BEST2: variants seen among roughly 807,000 people sequenced by gnomAD.
The protein encoded by BEST2 is bestrophin-2a.
BEST2 carries 36 observed loss-of-function variants against 49.0 expected under a neutral mutation model. The ratio of observed to expected loss-of-function variants is 0.73; its 90% CI spans 0.56 to 0.97. The LOEUF is 0.97. Ranked by LOEUF, BEST2 falls within the 50% of genes least tolerant of loss-of-function variation. The pLI, the probability that BEST2 is intolerant of heterozygous loss-of-function variation, is 0.00. For synonymous variants in BEST2, 335 were observed against 304.4 expected (o/e 1.10, Z -1.05); for missense variants, 672 against 710.0 (o/e 0.95, Z 0.61).
rs1322471085 is a variant in BEST2, at chr19:12,755,360, G to C, written c.637-19G>C. Reference sequence around the variant, plus strand: ...GAGCTCACCATTCAGGCCTCCTCATGACCTGTATCCACCCCCAGGAGCTGA... The same window carrying C: ...GAGCTCACCATTCAGGCCTCCTCATCACCTGTATCCACCCCCAGGAGCTGA... On this transcript the variant is annotated intron_variant, in intron 5 of 9. Transcript: ENST00000553030. The surrounding 1 kb of genome is among the most constrained non-coding windows in gnomAD (Gnocchi z 4.4). 1 of 1,613,320 alleles carries C rather than the reference G, an allele frequency of 6.2e-7. No homozygotes were observed. Among genetic ancestry groups the C allele is most frequent in the Non-Finnish European group, 8.5e-7 (1 of 1,179,318 alleles).
chr19:12,754,400 C>A, intron 3 of BEST2, 152 bp from the exon 4 acceptor site: 2 of 641,444 alleles, frequency 3.1e-6, no homozygotes, highest in Non-Finnish European at 5.1e-6. Flanking sequence ...AGGGCTGGAC[C>A]CCCAAGTTCC....
chr19:12,756,029 T>C, intron 8 of BEST2, 94 bp downstream of exon 8: 2 of 1,592,006 alleles, frequency 1.3e-6, no homozygotes, highest in South Asian at 2.2e-5. Context: ...TCTTGCCAGG[T>C]CTCACCCCAA....
rs1223447355 is a variant in BEST2, at chr19:12,753,449, A to AT, written c.247+96dup. 5.1e-6 allele frequency: 6 copies of AT among 1,170,168 alleles called. No individual in the cohort carries two copies. The Admixed American group carries it at 7.8e-5, about 15-fold the overall frequency. The allele number at this position is 1,170,168 out of a possible 1,614,324, so 72.5% of individuals were successfully genotyped here. ...GAGCCCCCATTCCTGCCCCTCTGAG[A>AT]TCCCCCCCCTCAAATCCAACCCCGA... is the stretch of plus-strand genomic sequence containing the variant. On this transcript the variant is annotated intron_variant, in intron 3 of 9. Transcript: ENST00000553030.
chr19:12,755,972 G>T lies in BEST2; in HGVS notation c.948+37G>T. ...TTTCCAGGTGAGACTTCCAGGTGGC[G>T]ACCATCCCGGAGTGCCCAACAGGGT... is the stretch of plus-strand genomic sequence containing the variant. On this transcript the variant is annotated intron_variant, in intron 8 of 9. Coordinates refer to ENST00000553030, the MANE Select transcript of BEST2 (RefSeq NM_017682.3). This position sits in a 1 kb window ranked among gnomAD's most constrained non-coding sequence, Gnocchi z 4.4. 1 of 1,605,374 alleles carries T rather than the reference G, an allele frequency of 6.2e-7. No homozygotes were observed. The highest frequency in any genetic ancestry group is 1.1e-5 in the South Asian group (1 of 90,714).
chr19:12,755,402 A>G lies in BEST2; in HGVS notation c.660A>G (p.Lys220=), dbSNP rs200924914. 2 of 1,614,094 alleles carry G rather than the reference A, an allele frequency of 1.2e-6. No homozygotes were observed. Among genetic ancestry groups the G allele is most frequent in the African/African-American group, 2.7e-5 (2 of 75,012 alleles). ...AGGAGCTGAATGTTTTTCGGGGCAA[A>G]TGTGGAATGCTCTTTCACTATGACT... is the stretch of plus-strand genomic sequence containing the variant. ...LLEELNVFRG[K]CGMLFHYDWI... Residue 220 remains lysine (K), a synonymous_variant, in exon 6 of 10, where the codon AAA becomes AAG. Coordinates refer to ENST00000553030, the MANE Select transcript of BEST2 (RefSeq NM_017682.3). This position sits in a 1 kb window ranked among gnomAD's most constrained non-coding sequence, Gnocchi z 4.4.
chr19:12,754,993 C>G lies in BEST2; in HGVS notation c.598C>G (p.Arg200Gly). The G allele has an allele frequency of 6.2e-7, 1 of 1,611,568 alleles. No homozygotes were observed. Among genetic ancestry groups the G allele is most frequent in the Non-Finnish European group, 8.5e-7 (1 of 1,179,278 alleles). ...NLAAQARREG[R>G]IRDNSALKLL... Reference sequence around the variant, plus strand: ...GGCGGCACAGGCCCGACGCGAGGGCCGCATCCGCGACAACAGCGCCCTTAA... The same window carrying G: ...GGCGGCACAGGCCCGACGCGAGGGCGGCATCCGCGACAACAGCGCCCTTAA... The change falls in exon 5 of 10, where the codon CGC becomes GGC. Residue 200 changes from arginine to glycine, a missense_variant. This residue lies in a region of BEST2 where 365 missense variants were observed against 390.9 expected (regional missense o/e 0.93). Transcript: ENST00000553030.
At chr19:12,756,682 T>G (rs1319302945) in intron 9 of BEST2, 1 of 210,514 alleles carries the variant, frequency 4.8e-6, no homozygotes, top group Non-Finnish European at 9.7e-6. Context: ...CCCCCGTCTC[T>G]ACTAAAAATA....
At position 12,758,158 on chromosome 19, in the gene BEST2, C is replaced by T; in HGVS notation, c.*81C>T. 1 of 1,475,662 alleles carries T rather than the reference C, an allele frequency of 6.8e-7. No homozygotes were observed. The highest frequency in any genetic ancestry group is 9.2e-7 in the Non-Finnish European group (1 of 1,089,848). The allele number at this position is 1,475,662 out of a possible 1,614,324, so 91.4% of individuals were successfully genotyped here. On this transcript the variant is annotated 3_prime_UTR_variant, in exon 10 of 10. Transcript: ENST00000553030. ...CGCAGGTGTCCCGGTCTGCATAAGCCTCGTGTGCCTTTGTAAAGTCCACCT... is the reference window on the plus strand; with the variant it reads ...CGCAGGTGTCCCGGTCTGCATAAGCTTCGTGTGCCTTTGTAAAGTCCACCT...
In BEST2 at chr19:12,758,117, C is replaced by T. The variant is rs1321181499; in HGVS notation, c.*40C>T. ...GCCCCCTAAGGACAGGGAACCAGGTCCCTGCACGGCACCCACGCAGGTGTC... is the reference window on the plus strand; with the variant it reads ...GCCCCCTAAGGACAGGGAACCAGGTTCCTGCACGGCACCCACGCAGGTGTC... On this transcript the variant is annotated 3_prime_UTR_variant, in exon 10 of 10. Transcript: ENST00000553030. The T allele has an allele frequency of 1.3e-6, 2 of 1,597,330 alleles. No homozygotes were observed. Among genetic ancestry groups the T allele is most frequent in the Non-Finnish European group, 1.7e-6 (2 of 1,173,214 alleles).
intron 3 of BEST2, 48 bp from the exon 4 acceptor site, chr19:12,754,504 C>A: frequency 2.8e-6 from 4 of 1,416,716 alleles, no homozygotes; most frequent in Non-Finnish European, 3.7e-6. Context: ...CCCCCAAACC[C>A]CTGGCCCTGG....
Position 12,758,101 on chromosome 19 carries a change from G to A in BEST2, c.*24G>A, listed in dbSNP as rs756287763. 1 of 1,609,222 alleles carries A rather than the reference G, an allele frequency of 6.2e-7. No homozygotes were observed. Among genetic ancestry groups the A allele is most frequent in the Non-Finnish European group, 8.5e-7 (1 of 1,178,704 alleles). ...GAGATCTTAGAGCCCAGCCCCCTAA[G>A]GACAGGGAACCAGGTCCCTGCACGG... On this transcript the variant is annotated 3_prime_UTR_variant, in exon 10 of 10. Transcript: ENST00000553030.
rs779445475 is a variant in BEST2, at chr19:12,752,555, C to T, written c.-38C>T. On this transcript the variant is annotated 5_prime_UTR_variant, in exon 2 of 10. Coordinates refer to ENST00000553030, the MANE Select transcript of BEST2 (RefSeq NM_017682.3). ...CCACACCCGCAGCCCCCACCCGGGC[C>T]ACCCACTCTCCCTTGGCCACACCTG... is the stretch of plus-strand genomic sequence containing the variant. 2.5e-6 allele frequency: 4 copies of T among 1,605,932 alleles called. No individual in the cohort carries two copies. In the South Asian group the frequency reaches 4.4e-5, roughly 18 times the overall value.
At position 12,755,969 on chromosome 19, in the gene BEST2, G is replaced by C; in HGVS notation, c.948+34G>C. On this transcript the variant is annotated intron_variant, in intron 8 of 9. Coordinates refer to ENST00000553030, the MANE Select transcript of BEST2 (RefSeq NM_017682.3). This position sits in a 1 kb window ranked among gnomAD's most constrained non-coding sequence, Gnocchi z 4.4. The stretch of plus-strand genomic sequence containing the variant: ...CAGTTTCCAGGTGAGACTTCCAGGT[G>C]GCGACCATCCCGGAGTGCCCAACAG... 1 of 1,607,748 alleles carries C rather than the reference G, an allele frequency of 6.2e-7. No individual in the cohort carries two copies. The highest frequency in any genetic ancestry group is 8.5e-7 in the Non-Finnish European group (1 of 1,174,256).
chr19:12,752,627 C>T lies in BEST2; in HGVS notation c.35C>T (p.Ala12Val), dbSNP rs560892056. The T allele has an allele frequency of 2.5e-6, 4 of 1,612,456 alleles. 1 individual carries two copies. The African/African-American group carries it at 4.0e-5, about 16-fold the overall frequency. Residue 12 changes from alanine to valine, a missense_variant, in exon 2 of 10, where the codon GCC becomes GTC. By Grantham distance (64) the Ala-to-Val change is moderately conservative (BLOSUM62 0). Around this residue, in one of 3 missense-constraint regions of BEST2, gnomAD observed 365 missense variants for 390.9 expected, o/e 0.93. Transcript: ENST00000553030. ...ACCTACACAGCCCGAGTGGCGAACG[C>T]CCGCTTCGGTGGCTTCTCCCAGCTG... Reference protein sequence around the residue: ...TVTYTARVANARFGGFSQLLL... With the variant: ...TVTYTARVANVRFGGFSQLLL...
chr19:12,754,444 C>T (rs1599457552), intron 3 of BEST2, 108 bp from the exon 4 acceptor site: 2 of 974,768 alleles, frequency 2.1e-6, no homozygotes, highest in Non-Finnish European at 2.9e-6. Flanking sequence ...CCAGCACGCT[C>T]GGGTTTCCCT....
chr19:12,754,869 T>C lies in BEST2; in HGVS notation c.482-8T>C. ...AGGGGCGAGCTATCCCTGACCCCTT[T>C]CCTCCAGGGTTTATGACCCGCGAGG... On this transcript the variant is annotated splice_polypyrimidine_tract_variant and splice_region_variant and intron_variant, in intron 4 of 9. Coordinates refer to ENST00000553030, the MANE Select transcript of BEST2 (RefSeq NM_017682.3). 6.2e-7 allele frequency: 1 copy of C among 1,610,096 alleles called. No individual in the cohort carries two copies. Among genetic ancestry groups the C allele is most frequent in the Non-Finnish European group, 8.5e-7 (1 of 1,178,264 alleles).
At position 12,758,264 on chromosome 19, in the gene BEST2, C is replaced by A; in HGVS notation, c.*187C>A. On this transcript the variant is annotated 3_prime_UTR_variant, in exon 10 of 10. Transcript: ENST00000553030. Reference sequence around the variant, plus strand: ...GAGTTCTTCCAGACTCTTGGACCAGCCCGCCCTGACCACCAGCTCTACTTC... The same window carrying A: ...GAGTTCTTCCAGACTCTTGGACCAGACCGCCCTGACCACCAGCTCTACTTC... 1 of 670,052 alleles carries A rather than the reference C, an allele frequency of 1.5e-6. No homozygotes were observed. 41.5% of individuals were successfully genotyped at this position (670,052 alleles called of 1,614,324 possible).
chr19:12,754,033 G>A (rs1355837073), intron 3 of BEST2, among the ~76,000 whole-genome samples: 1 of 134,782 alleles, frequency 7.4e-6, no homozygotes, highest in Admixed American at 7.6e-5. Flanking sequence ...TGACTCCCAA[G>A]TAGCCAGTGA....
In BEST2 at chr19:12,757,921, G is replaced by A. The variant is rs775036091; in HGVS notation, c.1374G>A (p.Pro458=). Reference sequence around the variant, plus strand: ...ACCCGCTGCTCGACCCCGGCCTGCCGGAGCCCGAGGCCCCGCCCCCTGCGG... The same window carrying A: ...ACCCGCTGCTCGACCCCGGCCTGCCAGAGCCCGAGGCCCCGCCCCCTGCGG... ...CGDPLLDPGL[P]EPEAPPPAGP... Residue 458 remains proline (P), a synonymous_variant, in exon 10 of 10, where the codon CCG becomes CCA. Transcript: ENST00000553030. 1 of 1,564,852 alleles carries A rather than the reference G, an allele frequency of 6.4e-7. No individual in the cohort carries two copies. The highest frequency in any genetic ancestry group is 1.2e-5 in the South Asian group (1 of 85,668).
Sources: gnomAD v4.1 joint callset for allele counts (sites outside exome capture counted in the v4.1 genomes callset) on GRCh38, gnomAD v4.1.1 for gene constraint, gnomAD v4.1.1 regional missense constraint, Gnocchi (gnomAD v3.1) non-coding constraint, MANE v1.5 for transcripts, NCBI Gene and HGNC (gene_info 2026-07-23, HGNC 2026-07-21) for gene names.